The following PALD1 variants were observed in gnomAD, a reference collection of about 807,000 sequenced individuals.
PALD1 encodes the protein phosphatase domain containing paladin 1, also known as paladin.
A neutral mutation model predicts 96.0 loss-of-function variants in PALD1; 57 were observed. That is an observed-to-expected ratio of 0.59 (90% CI 0.48 to 0.74). PALD1 has a LOEUF of 0.74. Among genes scored for constraint, PALD1 ranks in the 30% least tolerant of loss-of-function variants. The probability of loss-of-function intolerance (pLI) is 0.00; values close to 1 mark genes in which losing one functional copy is unlikely to be tolerated. For missense variants in PALD1, 1,063 were observed against 1,143.7 expected (o/e 0.93, Z 1.02); for synonymous variants, 464 against 473.6 (o/e 0.98, Z 0.26).
At chr10:70,513,968 G>A (rs1846570765) in intron 1 of PALD1, among the ~76,000 whole-genome samples, 2 of 152,244 alleles carry the variant, frequency 1.3e-5, no homozygotes, top group South Asian at 4.2e-4. Context: ...CCTGCCAGGT[G>A]AGCTGAGAGG....
At chr10:70,520,274 G>T (rs1367410771) in intron 1 of PALD1, among the ~76,000 whole-genome samples, 1 of 151,326 alleles carries the variant, frequency 6.6e-6, no homozygotes. Context: ...CATGCTGGGA[G>T]GTTGTGGCTG....
intron 18 of PALD1, among the ~76,000 whole-genome samples, chr10:70,561,828 C>G (rs1224681559): frequency 6.6e-6 from 1 of 152,206 alleles, no homozygotes; most frequent in Non-Finnish European, 1.5e-5. Flanking sequence ...CTTTCATGCC[C>G]TCCGCCACTC....
chr10:70,556,279 C>CCTCTCTCTCTCTCTCTCTCT (rs112574716), intron 18 of PALD1, among the ~76,000 whole-genome samples: 6 of 128,650 alleles, frequency 4.7e-5, no homozygotes, highest in African/African-American at 1.7e-4. Flanking sequence ...GTAGCCGAGA[C>CCTCTCTCTCTCTCTCTCTCT]CTCTCTCTCT....
chr10:70,475,119 A>T (rs920893465), upstream of PALD1, among the ~76,000 whole-genome samples: 1 of 152,242 alleles, frequency 6.6e-6, no homozygotes, highest in African/African-American at 2.4e-5. Context: ...TGCTCTTTGC[A>T]TCATTTTACA....
At chr10:70,483,009 T>C (rs1428145540) in intron 1 of PALD1, among the ~76,000 whole-genome samples, 1 of 151,990 alleles carries the variant, frequency 6.6e-6, no homozygotes, top group Non-Finnish European at 1.5e-5. Flanking sequence ...TGGCCCTGGG[T>C]TCAGTATGAG....
At chr10:70,478,372 AG>A (rs1219798783), upstream of PALD1, among the ~76,000 whole-genome samples, 15 of 152,070 alleles carry the variant, frequency 9.9e-5, no homozygotes, top group Non-Finnish European at 2.2e-4. Context: ...TGTAAAGCAG[AG>A]GGGGGCGAGG....
At chr10:70,497,608 G>A (rs571943779) in intron 1 of PALD1, among the ~76,000 whole-genome samples, 1 of 146,544 alleles carries the variant, frequency 6.8e-6, no homozygotes, top group Admixed American at 6.9e-5. Context: ...CTGTCACCCT[G>A]GCTGGAGTGC....
At chr10:70,520,721 T>C (rs1237377018) in intron 1 of PALD1, among the ~76,000 whole-genome samples, 1 of 147,192 alleles carries the variant, frequency 6.8e-6, no homozygotes, top group African/African-American at 2.5e-5. Flanking sequence ...GGTGGAGTGT[T>C]GCTCTTGTTG....
intron 18 of PALD1, among the ~76,000 whole-genome samples, chr10:70,557,158 G>C (rs565006910): frequency 2.0e-5 from 3 of 152,358 alleles, no homozygotes; most frequent in African/African-American, 4.8e-5. Context: ...ACTCCCTGTG[G>C]AACCTTGGGC....
chr10:70,525,446 C>T (rs954275105), intron 1 of PALD1, among the ~76,000 whole-genome samples: 5 of 151,896 alleles, frequency 3.3e-5, no homozygotes, highest in Admixed American at 6.6e-5. Context: ...TGTCCTTCTG[C>T]ATCCGTTCCC....
chr10:70,491,443 A>G (rs1325030082), intron 1 of PALD1, among the ~76,000 whole-genome samples: 2 of 151,436 alleles, frequency 1.3e-5, no homozygotes, highest in African/African-American at 2.4e-5. Context: ...TTGAATCACA[A>G]CCTTTCTTTG....
intron 18 of PALD1, among the ~76,000 whole-genome samples, chr10:70,553,499 G>A (rs1418885950): frequency 6.6e-6 from 1 of 152,206 alleles, no homozygotes; most frequent in African/African-American, 2.4e-5. Context: ...GGCCACACAT[G>A]TCCTGACATC....
intron 7 of PALD1, 54 bp downstream of exon 7, chr10:70,533,124 G>A: frequency 6.9e-7 from 1 of 1,446,718 alleles, no homozygotes; most frequent in South Asian, 1.2e-5. Flanking sequence ...CGTCCCCATG[G>A]AGGTGCTCAG....
intron 1 of PALD1, among the ~76,000 whole-genome samples, chr10:70,488,818 G>A (rs1344487287): frequency 6.6e-6 from 1 of 152,120 alleles, no homozygotes; most frequent in Non-Finnish European, 1.5e-5. Flanking sequence ...AAGGGGATCA[G>A]TCTGTCCAAA....
At chr10:70,564,807 G>A (rs1335557849) in intron 19 of PALD1, among the ~76,000 whole-genome samples, 4 of 152,354 alleles carry the variant, frequency 2.6e-5, no homozygotes, top group Non-Finnish European at 5.9e-5. Context: ...GAGCAGGGCA[G>A]CCTCTGGGGG....
In PALD1 at chr10:70,505,879, G is replaced by A. The variant is rs754510226; in HGVS notation, c.-29-20044G>A. Reference sequence around the variant, plus strand: ...CTACCCAAAATACAAAAGTTAGCCGGGCATGGTGGCGCATACCTGTAGTCC... The same window carrying A: ...CTACCCAAAATACAAAAGTTAGCCGAGCATGGTGGCGCATACCTGTAGTCC... On this transcript the variant is annotated intron_variant, in intron 1 of 19. Transcript: ENST00000263563. Among the ~76,000 whole-genome samples, 9 of 152,076 alleles carry A rather than the reference G, an allele frequency of 5.9e-5. 1 individual carries two copies. Among genetic ancestry groups the A allele is most frequent in the Non-Finnish European group, 1.3e-4 (9 of 68,020 alleles).
At chr10:70,503,955 A>G (rs968578712) in intron 1 of PALD1, among the ~76,000 whole-genome samples, 3 of 152,234 alleles carry the variant, frequency 2.0e-5, no homozygotes, top group Admixed American at 2.0e-4. Context: ...AGGGGCAGCT[A>G]TAAAGAGCAT....
At chr10:70,500,906 T>A (rs1846280871) in intron 1 of PALD1, among the ~76,000 whole-genome samples, 1 of 152,118 alleles carries the variant, frequency 6.6e-6, no homozygotes, top group Non-Finnish European at 1.5e-5. Context: ...GCCGGGGGTC[T>A]GCCGTGTGCC....
At chr10:70,556,282 C>CCCTCTCTCCCTCTT (rs67724655) in intron 18 of PALD1, among the ~76,000 whole-genome samples, 22 of 120,990 alleles carry the variant, frequency 1.8e-4, no homozygotes, top group Non-Finnish European at 3.5e-4. Context: ...GCCGAGACCT[C>CCCTCTCTCCCTCTT]TCTCTCTCTC....
Sources: allele counts gnomAD v4.1 joint callset (sites outside exome capture counted in the v4.1 genomes callset), GRCh38; gene constraint gnomAD v4.1.1; transcripts MANE v1.5; gene names NCBI Gene and HGNC (gene_info 2026-07-23, HGNC 2026-07-21).